Variants in CACNA1E observed in about 807,000 individuals in gnomAD.
CACNA1E encodes the protein calcium voltage-gated channel subunit alpha1 E.
A neutral mutation model predicts 259.2 loss-of-function variants in CACNA1E; 40 were observed. The ratio of observed to expected loss-of-function variants is 0.15; its 90% CI spans 0.12 to 0.20. The LOEUF (loss-of-function observed/expected upper bound fraction) is 0.20, where lower values mean the gene tolerates loss of function less well. CACNA1E is among the 10% of genes least tolerant of loss of function. The pLI is 1.00. For missense variants in CACNA1E, 1,874 were observed against 3,040.1 expected, an observed-to-expected ratio of 0.62 and a Z score of 9.02; for synonymous variants, 1,104 against 1,138.5, an observed-to-expected ratio of 0.97 and a Z score of 0.61.
At position 181,393,246 on chromosome 1, in the gene CACNA1E, A is replaced by G. The variant is rs572333182; in HGVS notation, c.-14-19887A>G. Among the ~76,000 whole-genome samples the G allele has an allele frequency of 2.0e-5, 3 of 152,228 alleles. No homozygotes were observed. The South Asian group carries it at 6.2e-4, about 32-fold the overall frequency. On this transcript the variant is annotated intron_variant, in intron 1 of 11. Coordinates refer to the CACNA1E transcript ENST00000524607. ...TATGGGATTTTAGGAAAGTTGATAA[A>G]CCTGTGCCTCAGTTTTCCTCATCTG... is the stretch of plus-strand genomic sequence containing the variant.
At chr1:181,321,190 C>A (rs2804711) in intron 1 of CACNA1E, among the ~76,000 whole-genome samples, 6,555 of 152,216 alleles carry the variant, frequency 0.043, 290 homozygotes, top group African/African-American at 0.12. Flanking sequence ...CCCCATGACC[C>A]AAACACCTCT....
intron 7 of CACNA1E, among the ~76,000 whole-genome samples, chr1:181,653,975 A>G (rs1405273056): frequency 6.6e-6 from 1 of 152,196 alleles, no homozygotes; most frequent in Non-Finnish European, 1.5e-5. Flanking sequence ...ACAGCTAGGG[A>G]TCATCAGCAT....
chr1:181,371,604 T>C (rs1343058402), intron 1 of CACNA1E, among the ~76,000 whole-genome samples: 3 of 152,214 alleles, frequency 2.0e-5, no homozygotes, highest in African/African-American at 7.2e-5. Flanking sequence ...GTCCTACTTA[T>C]CTATTTTTGT....
chr1:181,654,755 C>T (rs1019806438), intron 7 of CACNA1E, among the ~76,000 whole-genome samples: 4 of 152,168 alleles, frequency 2.6e-5, no homozygotes, highest in South Asian at 2.1e-4. Flanking sequence ...GAGGCCGAGG[C>T]GGGCAGATCA....
At chr1:181,524,451 C>A (rs867675330) in intron 3 of CACNA1E, among the ~76,000 whole-genome samples, 4 of 152,162 alleles carry the variant, frequency 2.6e-5, no homozygotes, top group Non-Finnish European at 4.4e-5. Flanking sequence ...ACCTCTCTTG[C>A]AAGATTTATG....
intron 2 of CACNA1E, among the ~76,000 whole-genome samples, chr1:181,464,915 AT>A: frequency 6.6e-6 from 1 of 152,036 alleles, no homozygotes. Flanking sequence ...TTGTGTATGT[AT>A]TCATAAATTA....
intron 2 of CACNA1E, among the ~76,000 whole-genome samples, chr1:181,430,679 A>AT (rs1288157580): frequency 6.6e-6 from 1 of 152,156 alleles, no homozygotes; most frequent in African/African-American, 2.4e-5. Context: ...AGGCTGCTCT[A>AT]TTTGTGCCTG....
intron 6 of CACNA1E, among the ~76,000 whole-genome samples, chr1:181,608,273 G>A (rs1172259945): frequency 3.3e-5 from 5 of 152,170 alleles, no homozygotes; most frequent in Non-Finnish European, 7.3e-5. Context: ...AGACAGGGAG[G>A]AGCGAGGAAC....
chr1:181,649,972 A>C (rs1658614422), intron 6 of CACNA1E, among the ~76,000 whole-genome samples: 1 of 152,250 alleles, frequency 6.6e-6, no homozygotes, highest in South Asian at 2.1e-4. Context: ...TTACCTATAT[A>C]ACAAACCTGC....
intron 37 of CACNA1E, among the ~76,000 whole-genome samples, chr1:181,772,860 C>A (rs1174148169): frequency 6.6e-6 from 1 of 152,162 alleles, no homozygotes; most frequent in Non-Finnish European, 1.5e-5. Flanking sequence ...GTGGAGCATA[C>A]CCACCTATAA....
rs1014968580 is a variant in CACNA1E, at chr1:181,485,953, C to T, written c.266+1943C>T. 3.3e-5 allele frequency among the ~76,000 whole-genome samples: 5 copies of T among 152,252 alleles called. No homozygotes were observed. The highest frequency in any genetic ancestry group is 1.2e-4 in the African/African-American group (5 of 41,454). ...AGCGCCGCTGAAACTCCCGGCGGCC[C>T]GGGGCTCCCCAGTTACCCGGGTTCA... On this transcript the variant is annotated intron_variant, in intron 1 of 47. Transcript: ENST00000367573. The surrounding 1 kb of genome is among the most constrained non-coding windows in gnomAD (Gnocchi z 4.2).
intron 2 of CACNA1E, among the ~76,000 whole-genome samples, chr1:181,470,222 T>C (rs1662415329): frequency 6.6e-6 from 1 of 151,994 alleles, no homozygotes; most frequent in East Asian, 1.9e-4. Context: ...AGATAGGATC[T>C]CTGTCACCCA....
At chr1:181,637,416 C>T (rs572021375) in intron 6 of CACNA1E, among the ~76,000 whole-genome samples, 9 of 128,518 alleles carry the variant, frequency 7.0e-5, no homozygotes, top group East Asian at 2.6e-4. Context: ...TCCTCCCTCC[C>T]TCCCTCCTTC....
intron 4 of CACNA1E, among the ~76,000 whole-genome samples, chr1:181,578,128 T>A (rs939840430): frequency 1.3e-5 from 2 of 152,254 alleles, no homozygotes; most frequent in African/African-American, 2.4e-5. Context: ...GCTCTTTATC[T>A]TATCACTCAG....
chr1:181,437,276 ATTCT>A (rs1660158606), intron 2 of CACNA1E, among the ~76,000 whole-genome samples: 1 of 151,914 alleles, frequency 6.6e-6, no homozygotes, highest in Non-Finnish European at 1.5e-5. Flanking sequence ...TCTTGATCTC[ATTCT>A]TTCTTTTTTC....
At chr1:181,795,803 ATTTTG>A (rs1661757111) in intron 46 of CACNA1E, among the ~76,000 whole-genome samples, 1 of 111,044 alleles carries the variant, frequency 9.0e-6, no homozygotes, top group East Asian at 2.1e-4. Flanking sequence ...TGGCTCAACT[ATTTTG>A]TTTTATTGGA....
At chr1:181,477,335 C>T (rs192060589) in intron 2 of CACNA1E, among the ~76,000 whole-genome samples, 5 of 152,294 alleles carry the variant, frequency 3.3e-5, no homozygotes, top group East Asian at 3.9e-4. Flanking sequence ...CTCCACATCC[C>T]GCCTTGTATT....
intron 3 of CACNA1E, among the ~76,000 whole-genome samples, chr1:181,556,484 C>CT (rs1482144370): frequency 5.3e-5 from 8 of 152,144 alleles, no homozygotes; most frequent in Non-Finnish European, 1.2e-4. Flanking sequence ...AGAGGGGCCC[C>CT]TGTGGGAGGG....
intron 15 of CACNA1E, among the ~76,000 whole-genome samples, 178 bp from the exon 16 acceptor site, chr1:181,721,580 C>T (rs568424526): frequency 5.3e-5 from 8 of 149,750 alleles, no homozygotes; most frequent in East Asian, 1.9e-4. Context: ...CTTTTCCATA[C>T]GAAAAAAAAG....
Sources: gnomAD v4.1 joint callset for allele counts (sites outside exome capture counted in the v4.1 genomes callset) on GRCh38, gnomAD v4.1.1 for gene constraint, Gnocchi (gnomAD v3.1) non-coding constraint, MANE v1.5 for transcripts, NCBI Gene and HGNC (gene_info 2026-07-23, HGNC 2026-07-21) for gene names.